Variants in KHDRBS3 observed in about 807,000 individuals in gnomAD.
KHDRBS3 encodes the protein KH RNA binding domain containing, signal transduction associated 3.
KHDRBS3 carries 23 observed loss-of-function variants against 45.6 expected under a neutral mutation model. The observed-to-expected ratio is 0.50, with a 90% CI of 0.36 to 0.72. The LOEUF (loss-of-function observed/expected upper bound fraction) is 0.72. Ranked by LOEUF, KHDRBS3 falls within the 30% of genes least tolerant of loss-of-function variation. The pLI is 0.00. For missense variants in KHDRBS3, 352 were observed against 424.8 expected (o/e 0.83, Z 1.51); for synonymous variants, 162 against 156.5 (o/e 1.04, Z -0.26).
intron 5 of KHDRBS3, among the ~76,000 whole-genome samples, chr8:135,576,889 A>G (rs1827968619): frequency 6.6e-6 from 1 of 152,222 alleles, no homozygotes; most frequent in Non-Finnish European, 1.5e-5. Flanking sequence ...ATGAGTTCAT[A>G]ATGATGTCTC....
chr8:135,545,454 T>A (rs920116476), intron 3 of KHDRBS3, among the ~76,000 whole-genome samples: 3 of 152,170 alleles, frequency 2.0e-5, no homozygotes, highest in Middle Eastern at 3.2e-3. Flanking sequence ...GTTCTCAGGT[T>A]TAATTTATTC....
intron 1 of KHDRBS3, among the ~76,000 whole-genome samples, chr8:135,492,817 A>G (rs1018797915): frequency 2.0e-5 from 3 of 152,066 alleles, no homozygotes; most frequent in African/African-American, 4.8e-5. Flanking sequence ...TTGCACATGT[A>G]TATGTGTTTT....
At chr8:135,622,417 G>A (rs1317527460) in intron 7 of KHDRBS3, among the ~76,000 whole-genome samples, 1 of 152,180 alleles carries the variant, frequency 6.6e-6, no homozygotes, top group Admixed American at 6.5e-5. Context: ...GCAGATTGAT[G>A]TAAGTTAGTG....
At chr8:135,571,416 G>T (rs1325842810) in intron 5 of KHDRBS3, among the ~76,000 whole-genome samples, 2 of 152,132 alleles carry the variant, frequency 1.3e-5, no homozygotes, top group Non-Finnish European at 2.9e-5. Flanking sequence ...TAGTATCACA[G>T]ATTTTCCTTA....
Position 135,566,359 on chromosome 8 carries a change from G to A in KHDRBS3, c.611+8772G>A, listed in dbSNP as rs144248133. Among the ~76,000 whole-genome samples, 3 of 152,274 alleles carry A rather than the reference G, an allele frequency of 2.0e-5. No homozygotes were observed. In the East Asian group the frequency reaches 5.8e-4, roughly 29 times the overall value. ...AAAGTCGAAGTTCTTCACATTAGAG[G>A]AGGAACTTGATTTTTTAATGTTGAA... On this transcript the variant is annotated intron_variant, in intron 5 of 8. Transcript: ENST00000355849.
intron 5 of KHDRBS3, among the ~76,000 whole-genome samples, chr8:135,569,177 A>G (rs921706532): frequency 3.9e-5 from 6 of 152,208 alleles, no homozygotes; most frequent in Non-Finnish European, 7.4e-5. Context: ...AGAATATTTT[A>G]GGAAGAAGTT....
chr8:135,535,700 G>A (rs1192506688), intron 2 of KHDRBS3, among the ~76,000 whole-genome samples: 1 of 152,090 alleles, frequency 6.6e-6, no homozygotes, highest in Non-Finnish European at 1.5e-5. Flanking sequence ...ATACCAGAAG[G>A]TATCCCAGTC....
intron 3 of KHDRBS3, among the ~76,000 whole-genome samples, chr8:135,543,909 G>C (rs929263981): frequency 3.3e-5 from 5 of 152,002 alleles, no homozygotes; most frequent in African/African-American, 1.2e-4. Flanking sequence ...ACTTGTTTAG[G>C]GTAGAAACTC....
chr8:135,632,143 T>G (rs1352058942), intron 7 of KHDRBS3, among the ~76,000 whole-genome samples: 1 of 152,206 alleles, frequency 6.6e-6, no homozygotes, highest in Non-Finnish European at 1.5e-5. Flanking sequence ...CTTCACTTGA[T>G]CTTCTTCTAC....
intron 1 of KHDRBS3, among the ~76,000 whole-genome samples, chr8:135,520,249 C>A (rs983461727): frequency 3.3e-5 from 5 of 152,190 alleles, no homozygotes; most frequent in Non-Finnish European, 1.5e-5. Flanking sequence ...TTGATACCTT[C>A]TCCAGGCTGT....
chr8:135,475,569 C>T (rs941225439), intron 1 of KHDRBS3, among the ~76,000 whole-genome samples: 2 of 152,046 alleles, frequency 1.3e-5, no homozygotes, highest in African/African-American at 4.8e-5. Flanking sequence ...TCCTCAGGCT[C>T]CCAAAGTGTA....
intron 7 of KHDRBS3, among the ~76,000 whole-genome samples, chr8:135,636,874 G>A (rs1039532968): frequency 6.6e-6 from 1 of 152,194 alleles, no homozygotes; most frequent in South Asian, 2.1e-4. Context: ...CAGGCTAACC[G>A]TAATGTATTT....
chr8:135,460,336 G>A (rs1821368597), intron 1 of KHDRBS3, among the ~76,000 whole-genome samples: 1 of 152,184 alleles, frequency 6.6e-6, no homozygotes. Context: ...ACTCTAACAA[G>A]GCCTTACATT....
At chr8:135,507,509 A>G (rs1184188843) in intron 1 of KHDRBS3, among the ~76,000 whole-genome samples, 1 of 152,212 alleles carries the variant, frequency 6.6e-6, no homozygotes, top group African/African-American at 2.4e-5. Flanking sequence ...ACAAAATGAA[A>G]ACAAATGCCA....
At chr8:135,514,863 G>A (rs2130609480) in intron 1 of KHDRBS3, among the ~76,000 whole-genome samples, 1 of 152,202 alleles carries the variant, frequency 6.6e-6, no homozygotes, top group Admixed American at 6.5e-5. Flanking sequence ...ATATTTGTTA[G>A]CATAAAGAGA....
intron 1 of KHDRBS3, among the ~76,000 whole-genome samples, chr8:135,460,658 T>G (rs989862218): frequency 6.6e-6 from 1 of 152,230 alleles, no homozygotes; most frequent in African/African-American, 2.4e-5. Context: ...GTATATATCC[T>G]TTAGGAAGTT....
chr8:135,597,332 A>G (rs1294713360), intron 6 of KHDRBS3, among the ~76,000 whole-genome samples: 5 of 152,182 alleles, frequency 3.3e-5, no homozygotes, highest in Non-Finnish European at 5.9e-5. Context: ...TAATTCCACC[A>G]CAATGGACAT....
At chr8:135,637,432 A>G (rs1830860355) in intron 7 of KHDRBS3, among the ~76,000 whole-genome samples, 1 of 152,222 alleles carries the variant, frequency 6.6e-6, no homozygotes, top group Non-Finnish European at 1.5e-5. Context: ...TTCCTATCAC[A>G]TAATAAGCAG....
chr8:135,511,897 T>C (rs2130586666), intron 1 of KHDRBS3, among the ~76,000 whole-genome samples: 1 of 152,338 alleles, frequency 6.6e-6, no homozygotes, highest in East Asian at 1.9e-4. Context: ...CAAGCATTTG[T>C]AATATTTAGA....
Sources: gnomAD v4.1 joint callset for allele counts (sites outside exome capture counted in the v4.1 genomes callset) on GRCh38, gnomAD v4.1.1 for gene constraint, MANE v1.5 for transcripts, NCBI Gene and HGNC (gene_info 2026-07-23, HGNC 2026-07-21) for gene names.